The following SLC2A13 variants were observed in gnomAD, a reference collection of about 807,000 sequenced individuals.
The protein encoded by SLC2A13 is proton myo-inositol cotransporter.
Under a neutral mutation model 64.4 loss-of-function variants are expected in SLC2A13, and 32 were observed. The observed-to-expected ratio is 0.50, with a 90% confidence interval of 0.37 to 0.67. The LOEUF (loss-of-function observed/expected upper bound fraction) is 0.67. SLC2A13 is among the 30% of genes least tolerant of loss of function. The pLI is 0.00. For missense variants in SLC2A13, 743 were observed against 829.2 expected, an observed-to-expected ratio of 0.90 and a Z score of 1.28; for synonymous variants, 338 against 327.1, an observed-to-expected ratio of 1.03 and a Z score of -0.36.
chr12:39,881,002 A>G (rs1565516962), intron 4 of SLC2A13, among the ~76,000 whole-genome samples: 1 of 152,250 alleles, frequency 6.6e-6, no homozygotes, highest in Non-Finnish European at 1.5e-5. Context: ...TGTATGTATA[A>G]CAGGTTACAT....
intron 1 of SLC2A13, among the ~76,000 whole-genome samples, chr12:40,085,816 G>T (rs1938570995): frequency 6.6e-6 from 1 of 151,850 alleles, no homozygotes; most frequent in South Asian, 2.1e-4. Context: ...TTACATAAAA[G>T]ATTTGAAAGC....
chr12:39,936,179 A>G (rs946922495), intron 4 of SLC2A13, among the ~76,000 whole-genome samples: 3 of 152,188 alleles, frequency 2.0e-5, no homozygotes, highest in Admixed American at 1.3e-4. Flanking sequence ...AAGGCAGGAA[A>G]ATCCTCTGTG....
intron 7 of SLC2A13, among the ~76,000 whole-genome samples, chr12:39,771,922 C>T (rs1384338811): frequency 2.6e-5 from 4 of 152,114 alleles, no homozygotes; most frequent in African/African-American, 7.2e-5. Flanking sequence ...GTATCTCCTA[C>T]TCATGACGTT....
At chr12:39,801,616 G>A (rs891096345) in intron 7 of SLC2A13, among the ~76,000 whole-genome samples, 7 of 152,194 alleles carry the variant, frequency 4.6e-5, no homozygotes, top group African/African-American at 1.7e-4. Flanking sequence ...ACTAGTCATA[G>A]GAAAAAGAGG....
At chr12:40,030,547 T>C (rs1025343316) in intron 2 of SLC2A13, among the ~76,000 whole-genome samples, 21 of 152,188 alleles carry the variant, frequency 1.4e-4, no homozygotes, top group Non-Finnish European at 1.3e-4. Flanking sequence ...TCTCATGATC[T>C]TTCCAAAGAA....
rs1944067726 is a variant in SLC2A13, at chr12:39,871,977, T to G, written c.1035-16A>C. ...ACTGTAGTACCTGCAAAGCAATGAA[T>G]AAAACAATTGCTATTGATAGTTACC... On this transcript the variant is annotated splice_polypyrimidine_tract_variant and intron_variant, in intron 4 of 9. Transcript: ENST00000280871. 6.4e-7 allele frequency: 1 copy of G among 1,551,570 alleles called. No individual in the cohort carries two copies. Among genetic ancestry groups the G allele is most frequent in the African/African-American group, 1.4e-5 (1 of 72,114 alleles).
chr12:40,015,189 G>T (rs12425630), intron 3 of SLC2A13, among the ~76,000 whole-genome samples: 2,045 of 152,052 alleles, frequency 0.013, 129 homozygotes, highest in Admixed American at 0.096. Flanking sequence ...AAATTCCAAG[G>T]AATTCAACAT....
chr12:39,951,231 G>C (rs754094152), intron 4 of SLC2A13, 26 bp downstream of exon 4: 1 of 1,586,606 alleles, frequency 6.3e-7, no homozygotes, highest in South Asian at 1.1e-5. Context: ...AATCTTTTCA[G>C]TAAAAAGCCA....
rs551720584 is a variant in SLC2A13 at position 39,773,826 on chromosome 12, C to T, written c.1446-8968G>A. Among the ~76,000 whole-genome samples, 189 of 152,280 alleles carry T rather than the reference C, an allele frequency of 1.2e-3. 3 individuals carry two copies. The highest frequency in any genetic ancestry group is 6.8e-3 in the Middle Eastern group (2 of 294). ...TAAATGTATGAAACTTAGTTCCCTTCCCAAAGAGTTTATAAAAGATCCAGA... is the reference window on the plus strand; with the variant it reads ...TAAATGTATGAAACTTAGTTCCCTTTCCAAAGAGTTTATAAAAGATCCAGA... On this transcript the variant is annotated intron_variant, in intron 7 of 9. Transcript: ENST00000280871.
chr12:39,868,488 A>C (rs1234175147), intron 5 of SLC2A13, among the ~76,000 whole-genome samples: 3 of 152,216 alleles, frequency 2.0e-5, no homozygotes, highest in Admixed American at 6.5e-5. Flanking sequence ...AATGTGTCTA[A>C]AGTGCACATA....
At chr12:39,942,690 TCGGGTGA>T (rs1946055150) in intron 4 of SLC2A13, among the ~76,000 whole-genome samples, 1 of 152,208 alleles carries the variant, frequency 6.6e-6, no homozygotes, top group African/African-American at 2.4e-5. Context: ...CTTCCTTGCA[TCGGGTGA>T]GAACATGCTC....
chr12:39,869,384 G>C (rs1242442124), intron 5 of SLC2A13, among the ~76,000 whole-genome samples: 2 of 152,206 alleles, frequency 1.3e-5, no homozygotes, highest in Non-Finnish European at 2.9e-5. Flanking sequence ...ACAGGTAAAA[G>C]AGGAGACCTG....
intron 1 of SLC2A13, among the ~76,000 whole-genome samples, chr12:40,051,316 T>C (rs1948249056): frequency 6.6e-6 from 1 of 151,992 alleles, no homozygotes; most frequent in East Asian, 1.9e-4. Flanking sequence ...GAGAGATAAA[T>C]AGAAAATGTG....
At chr12:40,059,092 G>C (rs1014186350) in intron 1 of SLC2A13, among the ~76,000 whole-genome samples, 4 of 152,168 alleles carry the variant, frequency 2.6e-5, no homozygotes. Context: ...CTGAGACACT[G>C]ACACAGCCAG....
chr12:40,005,863 G>A (rs747213686), intron 3 of SLC2A13, among the ~76,000 whole-genome samples: 4 of 152,172 alleles, frequency 2.6e-5, no homozygotes, highest in Non-Finnish European at 4.4e-5. Flanking sequence ...TTTTAAGTCC[G>A]TGGTTCTCAA....
At chr12:39,849,293 G>A (rs1455818315) in intron 6 of SLC2A13, among the ~76,000 whole-genome samples, 1 of 152,140 alleles carries the variant, frequency 6.6e-6, no homozygotes, top group African/African-American at 2.4e-5. Flanking sequence ...ATGTGCATTG[G>A]TGAATGCAGC....
chr12:40,089,121 GAGTC>G (rs949421300), intron 1 of SLC2A13, among the ~76,000 whole-genome samples: 1 of 152,198 alleles, frequency 6.6e-6, no homozygotes, highest in Non-Finnish European at 1.5e-5. Context: ...ATCACTGAAA[GAGTC>G]AGGAGAGGAC....
intron 3 of SLC2A13, among the ~76,000 whole-genome samples, chr12:40,025,659 A>G (rs931723613): frequency 6.6e-6 from 1 of 152,138 alleles, no homozygotes; most frequent in Non-Finnish European, 1.5e-5. Flanking sequence ...ATATCAGGAT[A>G]ATTTGTGGTA....
chr12:40,051,534 C>T (rs1948254565), intron 1 of SLC2A13, among the ~76,000 whole-genome samples: 2 of 152,144 alleles, frequency 1.3e-5, no homozygotes, highest in Non-Finnish European at 1.5e-5. Flanking sequence ...TGGGTATTGC[C>T]AAAGGGGAAG....
Sources: allele counts gnomAD v4.1 joint callset (sites outside exome capture counted in the v4.1 genomes callset), GRCh38; gene constraint gnomAD v4.1.1; transcripts MANE v1.5; gene names NCBI Gene and HGNC (gene_info 2026-07-23, HGNC 2026-07-21).